TCF25: variants seen among roughly 807,000 people sequenced by gnomAD.
TCF25 encodes TCF25 ribosome quality control complex subunit, also known as ribosome quality control complex subunit TCF25.
Under a neutral mutation model 83.1 loss-of-function variants are expected in TCF25, and 41 were observed. The ratio of observed to expected loss-of-function variants is 0.49; its 90% CI spans 0.38 to 0.64. TCF25 has a LOEUF of 0.64. Ranked by LOEUF, TCF25 falls within the 30% of genes least tolerant of loss-of-function variation. The pLI is 0.00. For synonymous variants in TCF25, 458 were observed against 365.0 expected (o/e 1.25, Z -2.90); for missense variants, 979 against 914.5 (o/e 1.07, Z -0.91).
chr16:89,895,282 C>T (rs1359074132), intron 8 of TCF25, 145 bp downstream of exon 8: 1 of 742,860 alleles, frequency 1.3e-6, no homozygotes, highest in South Asian at 1.9e-5. Context: ...ACAAAACTTA[C>T]CCATTTAAAG....
At chr16:89,894,938 C>T in intron 7 of TCF25, 100 bp from the exon 8 acceptor site, 1 of 1,057,638 alleles carries the variant, frequency 9.5e-7, no homozygotes. Context: ...AGCCACTGCG[C>T]CCAGCCTCCG....
At chr16:89,882,326 G>A (rs1479184573) in intron 1 of TCF25, among the ~76,000 whole-genome samples, 1 of 152,102 alleles carries the variant, frequency 6.6e-6, no homozygotes, top group East Asian at 1.9e-4. Context: ...CTTGAGGTCA[G>A]GAGCTCAAGA....
At chr16:89,894,613 C>G (rs903394418) in intron 7 of TCF25, among the ~76,000 whole-genome samples, 7 of 152,182 alleles carry the variant, frequency 4.6e-5, no homozygotes, top group African/African-American at 1.7e-4. Context: ...TAATAACTAG[C>G]CTATTTTGAG....
At chr16:89,894,057 A>C in intron 7 of TCF25, 199 bp downstream of exon 7, 9 of 750,348 alleles carry the variant, frequency 1.2e-5, no homozygotes, top group African/African-American at 3.5e-5. Context: ...AGCGAGCTCC[A>C]TCCATACTCA....
In TCF25 at chr16:89,892,241, C is replaced by T; in HGVS notation, c.663C>T (p.Thr221=). The part of the protein sequence containing the change: ...RVYPKCTWLT[T]PKSTWPRYSK... The stretch of plus-strand genomic sequence containing the variant: ...ACCCCAAGTGCACATGGCTGACCAC[C>T]CCTAAAAGCACCTGGCCCCGCTACA... The change falls in exon 6 of 18, where the codon ACC becomes ACT. Residue 221 remains threonine (T), a synonymous_variant. Transcript: ENST00000263346. The T allele has an allele frequency of 6.2e-7, 1 of 1,613,060 alleles. No homozygotes were observed. Among genetic ancestry groups the T allele is most frequent in the Non-Finnish European group, 8.5e-7 (1 of 1,179,736 alleles).
intron 7 of TCF25, 179 bp downstream of exon 7, chr16:89,894,037 C>A: frequency 2.2e-6 from 2 of 889,974 alleles, no homozygotes; most frequent in Non-Finnish European, 3.3e-6. Context: ...TGTTCGGAGG[C>A]TCTAGGCCAA....
At chr16:89,896,158 G>C in intron 9 of TCF25, 75 bp downstream of exon 9, 1 of 1,408,174 alleles carries the variant, frequency 7.1e-7, no homozygotes, top group Non-Finnish European at 9.8e-7. Flanking sequence ...GAGGTGCAGT[G>C]GGCACCTCAT....
intron 13 of TCF25, chr16:89,904,587 A>C: frequency 2.1e-6 from 1 of 487,512 alleles, no homozygotes; most frequent in Non-Finnish European, 3.8e-6. Context: ...CAAAAAACAA[A>C]ATAAACAAAG....
chr16:89,893,999 G>T (rs1024680991), intron 7 of TCF25, 141 bp downstream of exon 7: 3 of 1,273,382 alleles, frequency 2.4e-6, no homozygotes, highest in Non-Finnish European at 3.2e-6. Context: ...TCTGCAGGGC[G>T]GTCTGGCCCT....
chr16:89,909,266 G>C, intron 16 of TCF25: 3 of 772,788 alleles, frequency 3.9e-6, no homozygotes, highest in South Asian at 1.7e-5. Flanking sequence ...AATTCCAGCA[G>C]TTTGAGAGGC....
intron 4 of TCF25, among the ~76,000 whole-genome samples, chr16:89,886,362 A>G (rs2043016743): frequency 6.6e-6 from 1 of 152,114 alleles, no homozygotes; most frequent in Non-Finnish European, 1.5e-5. Flanking sequence ...CAATAGGTGG[A>G]GCTTGCAGTG....
intron 4 of TCF25, among the ~76,000 whole-genome samples, chr16:89,886,583 A>G (rs576174411): frequency 6.6e-6 from 1 of 152,090 alleles, no homozygotes; most frequent in South Asian, 2.1e-4. Context: ...ACCAAGATGG[A>G]GAAACCCCAT....
rs1164528945 is a variant in TCF25 at position 89,875,820 on chromosome 16, CTTTTTTTT to C, written c.192+1982_192+1989del. Among the ~76,000 whole-genome samples the C allele has an allele frequency of 1.2e-4, 8 of 64,860 alleles. No individual in the cohort carries two copies. The South Asian group carries it at 2.2e-3, about 18-fold the overall frequency. The allele number at this position is 64,860 out of a possible 152,430, so 42.6% of individuals were successfully genotyped here. ...TACAGGCGTGAGCCACTGCGCCTGG[CTTTTTTTT>C]TTTTTTTTTTTTTTTTTTTTGGTTA... On this transcript the variant is annotated intron_variant, in intron 1 of 17. Coordinates refer to ENST00000263346, the MANE Select transcript of TCF25 (RefSeq NM_014972.3).
intron 5 of TCF25, among the ~76,000 whole-genome samples, chr16:89,890,967 G>A (rs897348550): frequency 6.6e-6 from 1 of 151,924 alleles, no homozygotes; most frequent in Non-Finnish European, 1.5e-5. Context: ...ACAAAGACCT[G>A]GCCTGTTTCC....
At chr16:89,900,913 T>A in intron 12 of TCF25, 119 bp downstream of exon 12, 1 of 1,188,222 alleles carries the variant, frequency 8.4e-7, no homozygotes, top group East Asian at 2.6e-5. Context: ...AAACATGCAT[T>A]CTCTGGTAGG....
intron 8 of TCF25, among the ~76,000 whole-genome samples, chr16:89,895,746 A>T (rs1266846426): frequency 6.6e-6 from 1 of 152,244 alleles, no homozygotes; most frequent in Admixed American, 6.5e-5. Context: ...TTCTGTCAGG[A>T]CGTGGCAGCA....
At position 89,885,946 on chromosome 16, in the gene TCF25, C is replaced by T. The variant is rs192316994; in HGVS notation, c.528C>T (p.His176=). The T allele has an allele frequency of 2.1e-5, 32 of 1,539,064 alleles. No individual in the cohort carries two copies. The Admixed American group carries it at 2.3e-4, about 11-fold the overall frequency. ...CAGCTCCCCTGAGCTCCAGGAAGCA[C>T]GTTCTCTACGTGGAGCACAGGTGTG... ...PGPAPLSSRK[H]VLYVEHRHLN... is the part of the protein sequence containing the mutation. Residue 176 remains histidine, a synonymous_variant, in exon 4 of 18, where the codon CAC becomes CAT. Transcript: ENST00000263346.
chr16:89,910,523 G>T, intron 16 of TCF25, 68 bp from the exon 17 acceptor site: 1 of 1,559,926 alleles, frequency 6.4e-7, no homozygotes, highest in Non-Finnish European at 8.8e-7. Flanking sequence ...AGGCAGCCCC[G>T]TGAGCCGGGT....
At chr16:89,875,811 T>A (rs1214561986) in intron 1 of TCF25, among the ~76,000 whole-genome samples, 1 of 141,440 alleles carries the variant, frequency 7.1e-6, no homozygotes. Flanking sequence ...CGTGAGCCAC[T>A]GCGCCTGGCT....
Sources: gnomAD v4.1 joint callset for allele counts (sites outside exome capture counted in the v4.1 genomes callset) on GRCh38, gnomAD v4.1.1 for gene constraint, MANE v1.5 for transcripts, NCBI Gene and HGNC (gene_info 2026-07-23, HGNC 2026-07-21) for gene names.